Variants in SFXN2 observed in about 807,000 individuals in gnomAD.
The protein encoded by SFXN2 is sideroflexin 2, also known as sideroflexin-2.
In SFXN2, 37 loss-of-function variants were observed where a neutral mutation model predicts 41.9. The observed-to-expected ratio is 0.88, with a 90% CI of 0.68 to 1.16. The LOEUF is 1.16. SFXN2 is among the 50% of genes most tolerant of loss of function. The pLI, the probability that SFXN2 is intolerant of heterozygous loss-of-function variation, is 0.00. For missense variants in SFXN2, 386 were observed against 425.2 expected, an observed-to-expected ratio of 0.91 and a Z score of 0.81; for synonymous variants, 150 against 156.7, an observed-to-expected ratio of 0.96 and a Z score of 0.32.
Position 102,734,161 on chromosome 10 carries a change from C to T in SFXN2, c.821+558C>T, listed in dbSNP as rs911513583. 1.3e-5 allele frequency among the ~76,000 whole-genome samples: 2 copies of T among 152,234 alleles called. No homozygotes were observed. Among genetic ancestry groups the T allele is most frequent in the Admixed American group, 6.5e-5 (1 of 15,284 alleles). Reference sequence around the variant, plus strand: ...CTGGGATTATAGGCATGAGCCACTGCGCCTGGCTGTCTGGAGCAGTTTTAC... The same window carrying T: ...CTGGGATTATAGGCATGAGCCACTGTGCCTGGCTGTCTGGAGCAGTTTTAC... On this transcript the variant is annotated intron_variant, in intron 10 of 11. Transcript: ENST00000369893. This position sits in a 1 kb window ranked among gnomAD's most constrained non-coding sequence, Gnocchi z 4.1.
At chr10:102,731,858 G>A in intron 7 of SFXN2, 75 bp downstream of exon 7, 6 of 1,351,264 alleles carry the variant, frequency 4.4e-6, no homozygotes, top group Non-Finnish European at 5.2e-6. Context: ...AGTGGTCAGA[G>A]TAGGCACCAA....
chr10:102,742,721 C>T lies in SFXN2; in HGVS notation c.*4959C>T, dbSNP rs947075860. On this transcript the variant is annotated 3_prime_UTR_variant, in exon 12 of 12. Transcript: ENST00000369893. ...CTGAGCTCAAGGGATCTACCTGCCTCAGCCTCCCAAAGGGCTAGGATTATA... is the reference window on the plus strand; with the variant it reads ...CTGAGCTCAAGGGATCTACCTGCCTTAGCCTCCCAAAGGGCTAGGATTATA... The T allele has an allele frequency of 2.0e-5, 3 of 152,126 alleles. No individual in the cohort carries two copies. The highest frequency in any genetic ancestry group is 7.2e-5 in the African/African-American group (3 of 41,414). 9.4% of individuals were successfully genotyped at this position (152,126 alleles called of 1,614,324 possible).
In SFXN2 at chr10:102,728,442, C is replaced by A; in HGVS notation, c.344C>A (p.Ala115Glu). 1 of 1,614,030 alleles carries A rather than the reference C, an allele frequency of 6.2e-7. No homozygotes were observed. Among genetic ancestry groups the A allele is most frequent in the African/African-American group, 1.3e-5 (1 of 75,042 alleles). Residue 115 changes from alanine to glutamate, a missense_variant, in exon 4 of 12, where the codon GCG (alanine) becomes GAG (glutamate). Physicochemically the swap from Ala to Glu is moderately radical, Grantham distance 107 (BLOSUM62 -1). Coordinates refer to ENST00000369893, the MANE Select transcript of SFXN2 (RefSeq NM_178858.6). ...TTCCTCACTGGTAGGACGATGCCGG[C>A]GGTGATCTTCTGGCAGTGGGTGAAC... ...FMLQFYRTMPAVIFWQWVNQS... is the reference protein window; with the variant it reads ...FMLQFYRTMPEVIFWQWVNQS...
At chr10:102,718,293 A>G (rs2064446994) in intron 1 of SFXN2, among the ~76,000 whole-genome samples, 1 of 152,202 alleles carries the variant, frequency 6.6e-6, no homozygotes. Flanking sequence ...CTCTGTGTGT[A>G]TGTGTGTGCT....
At chr10:102,733,262 C>T (rs1038898841) in intron 9 of SFXN2, among the ~76,000 whole-genome samples, 3 of 152,242 alleles carry the variant, frequency 2.0e-5, no homozygotes, top group African/African-American at 7.2e-5. Flanking sequence ...ATTCTCCTGC[C>T]TCAGCCTCCC....
chr10:102,740,622 T>G lies in SFXN2; in HGVS notation c.*2860T>G, dbSNP rs1241953428. The G allele has an allele frequency of 6.6e-6, 1 of 152,238 alleles. No individual in the cohort carries two copies. The highest frequency in any genetic ancestry group is 1.5e-5 in the Non-Finnish European group (1 of 68,044). The allele number at this position is 152,238 out of a possible 1,614,324, so 9.4% of individuals were successfully genotyped here. On this transcript the variant is annotated 3_prime_UTR_variant, in exon 12 of 12. Transcript: ENST00000369893. ...CGCCTCACAATTCACTTCCTGTCTT[T>G]AGAGATTTGCGTATTCTGAACATTT...
intron 1 of SFXN2, among the ~76,000 whole-genome samples, chr10:102,718,307 G>A (rs541192014): frequency 6.6e-6 from 1 of 152,268 alleles, no homozygotes; most frequent in South Asian, 2.1e-4. Context: ...GTGTGCTGAG[G>A]GGGAGGCATA....
In SFXN2 at chr10:102,739,912, A is replaced by AT. The variant is rs1451543428; in HGVS notation, c.*2150_*2151insT. The AT allele has an allele frequency of 2.0e-5, 3 of 151,996 alleles. No homozygotes were observed. The highest frequency in any genetic ancestry group is 7.3e-5 in the African/African-American group (3 of 41,376). The allele number at this position is 151,996 out of a possible 1,614,324, so 9.4% of individuals were successfully genotyped here. ...TGGGCGACTCCGTCTCAAAAAAAAA[A>AT]AAGAAAACACATCAGAATTAGCTGG... On this transcript the variant is annotated 3_prime_UTR_variant, in exon 12 of 12. Transcript: ENST00000369893.
chr10:102,726,095 G>T (rs533305725), intron 1 of SFXN2, among the ~76,000 whole-genome samples: 1 of 152,084 alleles, frequency 6.6e-6, no homozygotes, highest in Non-Finnish European at 1.5e-5. Flanking sequence ...GATTACAGGT[G>T]CCTGGCACTG....
chr10:102,726,589 C>A, intron 1 of SFXN2, 23 bp from the exon 2 acceptor site: 2 of 1,607,496 alleles, frequency 1.2e-6, no homozygotes, highest in South Asian at 2.2e-5. Flanking sequence ...AGGGGACAGT[C>A]ATCTTCTTCC....
chr10:102,728,357 C>T, intron 3 of SFXN2, 74 bp from the exon 4 acceptor site: 2 of 1,181,888 alleles, frequency 1.7e-6, no homozygotes, highest in Non-Finnish European at 2.5e-6. Context: ...AGATCATGTG[C>T]TTTGACTGGC....
At chr10:102,725,991 T>C (rs2064586699) in intron 1 of SFXN2, among the ~76,000 whole-genome samples, 1 of 152,156 alleles carries the variant, frequency 6.6e-6, no homozygotes, top group African/African-American at 2.4e-5. Flanking sequence ...TCACCCAGGC[T>C]CAGGCTGGAG....
chr10:102,721,602 A>G (rs2064510292), intron 1 of SFXN2, among the ~76,000 whole-genome samples: 1 of 147,642 alleles, frequency 6.8e-6, no homozygotes, highest in South Asian at 2.1e-4. Context: ...TAAATTTAAA[A>G]AATTATATAT....
At chr10:102,729,920 C>A in intron 6 of SFXN2, 112 bp downstream of exon 6, 2 of 1,165,578 alleles carry the variant, frequency 1.7e-6, no homozygotes, top group Non-Finnish European at 1.2e-6. Context: ...GGGAGGGCTG[C>A]TGGGCTGAGC....
chr10:102,715,842 G>A (rs965565425), intron 1 of SFXN2, among the ~76,000 whole-genome samples: 3 of 151,322 alleles, frequency 2.0e-5, no homozygotes, highest in Non-Finnish European at 4.4e-5. Flanking sequence ...TAGCTACTCG[G>A]GAGGTTGAGG....
chr10:102,733,336 G>C (rs1282785582), intron 9 of SFXN2, among the ~76,000 whole-genome samples: 1 of 151,968 alleles, frequency 6.6e-6, no homozygotes, highest in African/African-American at 2.4e-5. Flanking sequence ...TTTTAGTAGA[G>C]ACGGGTTTTC....
chr10:102,728,769 G>A (rs1477440620), intron 4 of SFXN2, among the ~76,000 whole-genome samples: 2 of 152,124 alleles, frequency 1.3e-5, no homozygotes, highest in Non-Finnish European at 2.9e-5. Flanking sequence ...TGTCTTATGT[G>A]CTGGGGATGT....
Position 102,739,766 on chromosome 10 carries a change from T to G in SFXN2, c.*2004T>G, listed in dbSNP as rs1342969143. 1 of 151,994 alleles carries G rather than the reference T, an allele frequency of 6.6e-6. No homozygotes were observed. Among genetic ancestry groups the G allele is most frequent in the African/African-American group, 2.4e-5 (1 of 41,392 alleles). The allele number at this position is 151,994 out of a possible 1,614,324, so 9.4% of individuals were successfully genotyped here. Reference sequence around the variant, plus strand: ...ATCTCTACTAAAAATACAAAAAATTTGCTGGGTGTGGTGGCATACACCTGT... The same window carrying G: ...ATCTCTACTAAAAATACAAAAAATTGGCTGGGTGTGGTGGCATACACCTGT... On this transcript the variant is annotated 3_prime_UTR_variant, in exon 12 of 12. Coordinates refer to ENST00000369893, the MANE Select transcript of SFXN2 (RefSeq NM_178858.6).
intron 4 of SFXN2, 83 bp downstream of exon 4, chr10:102,728,612 G>C: frequency 8.4e-7 from 1 of 1,193,992 alleles, no homozygotes; most frequent in Non-Finnish European, 1.2e-6. Flanking sequence ...AGTCCTTCCT[G>C]GGTAGCACCT....
Sources: allele counts gnomAD v4.1 joint callset (sites outside exome capture counted in the v4.1 genomes callset), GRCh38; gene constraint gnomAD v4.1.1; non-coding constraint Gnocchi (gnomAD v3.1); transcripts MANE v1.5; gene names NCBI Gene and HGNC (gene_info 2026-07-23, HGNC 2026-07-21).